ERC1: variants seen among roughly 807,000 people sequenced by gnomAD.
The protein encoded by ERC1 is ELKS/RAB6-interacting/CAST family member 1.
Under a neutral mutation model 132.0 loss-of-function variants are expected in ERC1, and 56 were observed. The ratio of observed to expected loss-of-function variants is 0.42; its 90% CI spans 0.34 to 0.53. The LOEUF (loss-of-function observed/expected upper bound fraction) is 0.53, where lower values mean the gene tolerates loss of function less well. ERC1 is among the 20% of genes least tolerant of loss of function. The probability of loss-of-function intolerance (pLI) is 0.03; values close to 1 mark genes in which losing one functional copy is unlikely to be tolerated. For synonymous variants in ERC1, 478 were observed against 476.1 expected (o/e 1.00, Z -0.05); for missense variants, 1,202 against 1,349.9 (o/e 0.89, Z 1.72).
intron 15 of ERC1, among the ~76,000 whole-genome samples, chr12:1,349,097 G>A (rs1256624220): frequency 6.6e-6 from 1 of 152,120 alleles, no homozygotes; most frequent in Non-Finnish European, 1.5e-5. Flanking sequence ...TTGGCTACAT[G>A]TCCTCAAAAC....
chr12:1,126,759 G>A (rs1948202601), intron 7 of ERC1, among the ~76,000 whole-genome samples: 1 of 152,012 alleles, frequency 6.6e-6, no homozygotes, highest in African/African-American at 2.4e-5. Context: ...GGAGGCTGAA[G>A]CGGGCGGATC....
intron 2 of ERC1, among the ~76,000 whole-genome samples, chr12:1,035,644 C>T (rs921773122): frequency 1.3e-5 from 2 of 152,060 alleles, no homozygotes; most frequent in African/African-American, 2.4e-5. Flanking sequence ...TGGATGGGGC[C>T]GGGCTCAGTG....
intron 15 of ERC1, among the ~76,000 whole-genome samples, chr12:1,301,657 T>C (rs1197843188): frequency 1.3e-5 from 2 of 151,910 alleles, no homozygotes; most frequent in Admixed American, 6.6e-5. Context: ...CTGAGGTCTA[T>C]TGGAGGGTGG....
At chr12:1,444,422 T>A (rs944989450) in intron 17 of ERC1, 140 bp from the exon 18 acceptor site, 14 of 596,166 alleles carry the variant, frequency 2.3e-5, no homozygotes, top group Non-Finnish European at 3.7e-5. Flanking sequence ...TCCTGAAGAT[T>A]TCAGTAGTGA....
At chr12:1,274,721 G>A (rs1399992167) in intron 14 of ERC1, among the ~76,000 whole-genome samples, 1 of 152,072 alleles carries the variant, frequency 6.6e-6, no homozygotes, top group Non-Finnish European at 1.5e-5. Flanking sequence ...TCGAACTTCT[G>A]AACTTGTGAT....
At chr12:1,466,092 C>T (rs541349646) in intron 18 of ERC1, among the ~76,000 whole-genome samples, 51 of 152,254 alleles carry the variant, frequency 3.3e-4, no homozygotes, top group African/African-American at 1.2e-3. Flanking sequence ...TTACCTTGCT[C>T]GGGACACCGT....
chr12:992,294 G>A (rs889384499), intron 1 of ERC1, among the ~76,000 whole-genome samples: 9 of 152,198 alleles, frequency 5.9e-5, no homozygotes, highest in Admixed American at 5.2e-4. Context: ...ATAGTTGCAG[G>A]TGGTTGTGGT....
intron 15 of ERC1, among the ~76,000 whole-genome samples, chr12:1,363,497 A>AG (rs1165031719): frequency 7.0e-6 from 1 of 143,780 alleles, no homozygotes; most frequent in African/African-American, 2.5e-5. Flanking sequence ...GTCAGTCCAT[A>AG]TTGGGATAAC....
At chr12:1,261,312 C>T (rs981904027) in intron 13 of ERC1, among the ~76,000 whole-genome samples, 4 of 152,108 alleles carry the variant, frequency 2.6e-5, no homozygotes, top group Non-Finnish European at 2.9e-5. Context: ...CTGAGTTTTC[C>T]GTAAGTTGCT....
At chr12:1,438,972 A>ATATATATATATATATATAT (rs1246217572) in intron 17 of ERC1, among the ~76,000 whole-genome samples, 2 of 143,914 alleles carry the variant, frequency 1.4e-5, no homozygotes, top group African/African-American at 5.7e-5. Flanking sequence ...TATATATATA[A>ATATATATATATATATATAT]AAAATGACAT....
intron 14 of ERC1, among the ~76,000 whole-genome samples, chr12:1,270,700 T>C (rs1000115983): frequency 6.6e-6 from 1 of 151,640 alleles, no homozygotes; most frequent in Non-Finnish European, 1.5e-5. Flanking sequence ...ACTATATAAC[T>C]AGTGATTCTA....
intron 12 of ERC1, among the ~76,000 whole-genome samples, chr12:1,197,091 G>C (rs1293116769): frequency 6.8e-6 from 1 of 146,956 alleles, no homozygotes; most frequent in South Asian, 2.2e-4. Flanking sequence ...AGCGATTCTT[G>C]TGCGTCAGCC....
intron 1 of ERC1, among the ~76,000 whole-genome samples, chr12:995,971 G>C (rs11064632): frequency 0.01 from 1,585 of 152,282 alleles, 29 homozygotes; most frequent in African/African-American, 0.035. Flanking sequence ...TCAGAATGTT[G>C]AGTAAGAGAG....
At chr12:1,055,970 A>G (rs548600586) in intron 2 of ERC1, among the ~76,000 whole-genome samples, 1 of 151,978 alleles carries the variant, frequency 6.6e-6, no homozygotes, top group South Asian at 2.1e-4. Flanking sequence ...ACATAATGAG[A>G]CCCCTGTCTC....
At chr12:997,611 A>T (rs952948236) in intron 1 of ERC1, among the ~76,000 whole-genome samples, 3 of 152,270 alleles carry the variant, frequency 2.0e-5, no homozygotes, top group African/African-American at 7.2e-5. Flanking sequence ...GCATATCCTT[A>T]CTGAGTATGG....
chr12:1,394,750 C>A (rs981471943), intron 16 of ERC1, among the ~76,000 whole-genome samples: 16 of 152,180 alleles, frequency 1.1e-4, no homozygotes, highest in Admixed American at 8.5e-4. Flanking sequence ...TTTCCTGAGG[C>A]CTTCCAGTCA....
intron 16 of ERC1, among the ~76,000 whole-genome samples, chr12:1,394,972 T>C (rs2090409109): frequency 6.6e-6 from 1 of 152,200 alleles, no homozygotes; most frequent in Non-Finnish European, 1.5e-5. Flanking sequence ...CTTGCCTGCA[T>C]TTTCTTCTTT....
intron 1 of ERC1, among the ~76,000 whole-genome samples, chr12:1,021,869 A>AT (rs1966434455): frequency 6.6e-6 from 1 of 152,124 alleles, no homozygotes; most frequent in African/African-American, 2.4e-5. Flanking sequence ...TGTGAGTAAT[A>AT]AAAGTTCTTT....
chr12:1,079,003 T>C (rs1941787540), intron 2 of ERC1, among the ~76,000 whole-genome samples: 1 of 149,626 alleles, frequency 6.7e-6, no homozygotes, highest in Non-Finnish European at 1.5e-5. Context: ...ATTTGTAATA[T>C]GACAAGTCGA....
Sources: gnomAD v4.1 joint callset for allele counts (sites outside exome capture counted in the v4.1 genomes callset) on GRCh38, gnomAD v4.1.1 for gene constraint, MANE v1.5 for transcripts, NCBI Gene and HGNC (gene_info 2026-07-23, HGNC 2026-07-21) for gene names.